The following EVI5 variants were observed in gnomAD, a reference collection of about 807,000 sequenced individuals.
EVI5 encodes ecotropic viral integration site 5, also known as ecotropic viral integration site 5 protein homolog.
In EVI5, 73 loss-of-function variants were observed where a neutral mutation model predicts 112.0. That is an observed-to-expected ratio of 0.65 (90% CI 0.54 to 0.79). EVI5 has a LOEUF of 0.79. EVI5 is among the 30% of genes least tolerant of loss of function. The pLI is 0.00. For synonymous variants in EVI5, 305 were observed against 319.9 expected (o/e 0.95, Z 0.50); for missense variants, 900 against 968.8 (o/e 0.93, Z 0.94).
intron 1 of EVI5, among the ~76,000 whole-genome samples, chr1:92,742,064 T>A (rs1678494988): frequency 6.6e-6 from 1 of 152,066 alleles, no homozygotes; most frequent in South Asian, 2.1e-4. Context: ...TATAGCTGTA[T>A]GGGTTTAATA....
chr1:92,744,426 T>C (rs1320385090), intron 1 of EVI5, among the ~76,000 whole-genome samples: 2 of 152,198 alleles, frequency 1.3e-5, no homozygotes, highest in African/African-American at 2.4e-5. Context: ...ATAGTGAATT[T>C]GTCTATTACT....
chr1:92,687,157 A>AACCAAAACAGCATGGTACTGGT (rs1668689408), intron 9 of EVI5, among the ~76,000 whole-genome samples: 1 of 152,200 alleles, frequency 6.6e-6, no homozygotes, highest in Non-Finnish European at 1.5e-5. Context: ...AGGCTACAGT[A>AACCAAAACAGCATGGTACTGGT]ACCAAAACAG....
At chr1:92,769,868 C>G (rs1052835835) in intron 1 of EVI5, among the ~76,000 whole-genome samples, 16 of 152,018 alleles carry the variant, frequency 1.1e-4, no homozygotes, top group Non-Finnish European at 1.5e-5. Context: ...GCCTGGGTGA[C>G]AGAGTGAGAC....
chr1:92,546,188 G>A (rs1375640145), intron 19 of EVI5, among the ~76,000 whole-genome samples: 3 of 152,164 alleles, frequency 2.0e-5, no homozygotes, highest in African/African-American at 4.8e-5. Flanking sequence ...AGGCATGCGT[G>A]TGAACTAAAA....
chr1:92,522,099 G>A (rs1661029614), intron 19 of EVI5, among the ~76,000 whole-genome samples: 1 of 152,102 alleles, frequency 6.6e-6, no homozygotes, highest in South Asian at 2.1e-4. Context: ...TGGCTGCACG[G>A]TATCTCATTT....
chr1:92,704,836 A>C (rs371004365), intron 2 of EVI5, 92 bp from the exon 3 acceptor site: 48 of 479,174 alleles, frequency 1.0e-4, no homozygotes, highest in African/African-American at 9.0e-4. Context: ...ACTGCAATTT[A>C]ACCATTGTTT....
intron 18 of EVI5, among the ~76,000 whole-genome samples, chr1:92,579,850 G>A (rs188417422): frequency 2.0e-5 from 3 of 152,084 alleles, no homozygotes; most frequent in South Asian, 2.1e-4. Flanking sequence ...TAACTTAAAC[G>A]GTCGCTTGTG....
intron 18 of EVI5, chr1:92,580,348 A>C (rs1405609650): frequency 1.3e-5 from 2 of 152,234 alleles, no homozygotes; most frequent in Non-Finnish European, 2.9e-5. Flanking sequence ...AAAATAAAAG[A>C]ATATTTAATT....
At chr1:92,733,099 G>A in intron 2 of EVI5, 1 of 221,736 alleles carries the variant, frequency 4.5e-6, no homozygotes, top group South Asian at 7.9e-5. Context: ...AAGAAATTAA[G>A]GTTGTGTCAC....
chr1:92,547,981 T>A (rs951478485), intron 19 of EVI5, among the ~76,000 whole-genome samples: 42 of 152,314 alleles, frequency 2.8e-4, no homozygotes, highest in Middle Eastern at 3.4e-3. Flanking sequence ...GAGGGAATCC[T>A]CCCTAACTCA....
chr1:92,763,787 G>T (rs1331500428), intron 1 of EVI5, among the ~76,000 whole-genome samples: 1 of 151,940 alleles, frequency 6.6e-6, no homozygotes, highest in Non-Finnish European at 1.5e-5. Flanking sequence ...GACAGAGGGA[G>T]TCTCTTAAAA....
intron 10 of EVI5, among the ~76,000 whole-genome samples, chr1:92,669,417 G>A (rs959919326): frequency 4.6e-5 from 7 of 151,638 alleles, no homozygotes; most frequent in African/African-American, 1.2e-4. Context: ...GCATGGTGGC[G>A]CATGCCTGTA....
intron 5 of EVI5, chr1:92,700,824 T>A (rs1244174283): frequency 6.6e-6 from 1 of 152,188 alleles, no homozygotes; most frequent in African/African-American, 2.4e-5. Context: ...CTGAGTTCAA[T>A]AATGAAGGAT....
chr1:92,684,703 G>A (rs1319699666), intron 9 of EVI5, among the ~76,000 whole-genome samples: 5 of 151,916 alleles, frequency 3.3e-5, no homozygotes, highest in Non-Finnish European at 4.4e-5. Flanking sequence ...AAGGGATGGA[G>A]GAAGATCTAC....
intron 13 of EVI5, among the ~76,000 whole-genome samples, chr1:92,643,750 T>G (rs560586999): frequency 1.8e-4 from 27 of 152,304 alleles, no homozygotes; most frequent in African/African-American, 6.5e-4. Context: ...AAAAAACTGC[T>G]GTTCTGAAGT....
rs142049452 is a variant in EVI5 at position 92,515,020 on chromosome 1, T to G, written c.2167-1050A>C. On this transcript the variant is annotated intron_variant, in intron 19 of 19. Transcript: ENST00000684568. ...GGGGAGTGCCAGTCCGGTATAACAT[T>G]TCTGCCTTCTCTCCCCAACTCCCCC... 5.3e-5 allele frequency among the ~76,000 whole-genome samples: 8 copies of G among 152,246 alleles called. No homozygotes were observed. The South Asian group carries it at 1.0e-3, about 20-fold the overall frequency.
intron 9 of EVI5, among the ~76,000 whole-genome samples, chr1:92,688,776 CAT>C: frequency 6.6e-6 from 1 of 152,284 alleles, no homozygotes; most frequent in African/African-American, 2.4e-5. Flanking sequence ...GTATCTCTAA[CAT>C]ATAATTTTAA....
At chr1:92,735,645 T>TGAC (rs1553259848) in intron 2 of EVI5, among the ~76,000 whole-genome samples, 3 of 11,038 alleles carry the variant, frequency 2.7e-4, no homozygotes, top group Non-Finnish European at 3.5e-4. Flanking sequence ...ATGTCATATA[T>TGAC]ATATATAATT....
At chr1:92,592,364 G>A (rs1238690737) in intron 18 of EVI5, among the ~76,000 whole-genome samples, 4 of 152,228 alleles carry the variant, frequency 2.6e-5, no homozygotes, top group Non-Finnish European at 4.4e-5. Flanking sequence ...GATGTTCTTT[G>A]AAACCAATGA....
Sources: allele counts gnomAD v4.1 joint callset (sites outside exome capture counted in the v4.1 genomes callset), GRCh38; gene constraint gnomAD v4.1.1; transcripts MANE v1.5; gene names NCBI Gene and HGNC (gene_info 2026-07-23, HGNC 2026-07-21).